The following ADGRL3 variants were observed in gnomAD, a reference collection of about 807,000 sequenced individuals.
The protein encoded by ADGRL3 is calcium-independent alpha-latrotoxin receptor 3.
A neutral mutation model predicts 153.5 loss-of-function variants in ADGRL3; 62 were observed. The ratio of observed to expected loss-of-function variants is 0.40; its 90% CI spans 0.33 to 0.50. The LOEUF (loss-of-function observed/expected upper bound fraction) is 0.50. Among genes scored for constraint, ADGRL3 ranks in the 20% least tolerant of loss-of-function variants. The pLI is 0.47. For missense variants in ADGRL3, 1,641 were observed against 1,859.4 expected, an observed-to-expected ratio of 0.88 and a Z score of 2.16; for synonymous variants, 710 against 672.5, an observed-to-expected ratio of 1.06 and a Z score of -0.86.
At chr4:61,977,367 G>A (rs2099051759) in intron 17 of ADGRL3, among the ~76,000 whole-genome samples, 1 of 152,020 alleles carries the variant, frequency 6.6e-6, no homozygotes, top group Non-Finnish European at 1.5e-5. Flanking sequence ...AAAGAAGAGA[G>A]CAAATAGCCC....
intron 19 of ADGRL3, among the ~76,000 whole-genome samples, chr4:61,991,670 C>T (rs1296866061): frequency 2.6e-5 from 4 of 151,756 alleles, no homozygotes; most frequent in East Asian, 1.9e-4. Flanking sequence ...CATGCACTTG[C>T]TTGCAAAGCA....
chr4:61,932,367 T>C (rs532738394), intron 13 of ADGRL3, among the ~76,000 whole-genome samples: 2 of 152,202 alleles, frequency 1.3e-5, no homozygotes, highest in East Asian at 3.9e-4. Context: ...CTGTTCCTAG[T>C]TTGTTGAGCT....
chr4:61,303,368 C>A (rs557198310), intron 1 of ADGRL3, among the ~76,000 whole-genome samples: 1 of 151,808 alleles, frequency 6.6e-6, no homozygotes, highest in Admixed American at 6.6e-5. Flanking sequence ...TTAGTGCATG[C>A]GAAGTGCTTA....
intron 1 of ADGRL3, among the ~76,000 whole-genome samples, chr4:61,224,101 T>G (rs2149069835): frequency 6.6e-6 from 1 of 152,256 alleles, no homozygotes; most frequent in Non-Finnish European, 1.5e-5. Context: ...TTTTCAAAAA[T>G]AATCTTCGTG....
chr4:61,313,172 C>T (rs1285709573), intron 1 of ADGRL3, among the ~76,000 whole-genome samples: 1 of 152,008 alleles, frequency 6.6e-6, no homozygotes, highest in East Asian at 1.9e-4. Context: ...TGTGATTTTA[C>T]AATATGACAT....
chr4:61,202,912 TG>T lies in ADGRL3; in HGVS notation c.-240+1148del, dbSNP rs987412615. ...ATGCCGGAGCTGATGCTGCTGGAGC[TG>T]AGCTTGCTTATTGAAATCGCCTGGG... On this transcript the variant is annotated intron_variant, in intron 1 of 26. Transcript: ENST00000683033. The surrounding 1 kb of genome is among the most constrained non-coding windows in gnomAD (Gnocchi z 5.0). 1.5e-4 allele frequency among the ~76,000 whole-genome samples: 23 copies of T among 152,162 alleles called. No homozygotes were observed. The highest frequency in any genetic ancestry group is 5.5e-4 in the African/African-American group (23 of 41,446).
intron 5 of ADGRL3, among the ~76,000 whole-genome samples, chr4:61,594,639 A>G (rs1415843697): frequency 1.3e-5 from 2 of 152,134 alleles, no homozygotes; most frequent in Admixed American, 1.3e-4. Flanking sequence ...GTGCTGAGCC[A>G]CTTGGAACAG....
chr4:61,451,797 G>C (rs2097677519), intron 2 of ADGRL3, among the ~76,000 whole-genome samples: 1 of 152,084 alleles, frequency 6.6e-6, no homozygotes, highest in Non-Finnish European at 1.5e-5. Context: ...TCTGGTTACT[G>C]CTTCAGCGGT....
chr4:61,302,842 T>C (rs892408967), intron 1 of ADGRL3, among the ~76,000 whole-genome samples: 10 of 152,146 alleles, frequency 6.6e-5, no homozygotes, highest in African/African-American at 2.4e-4. Context: ...TAATGAATCA[T>C]TTTTGAAACA....
intron 8 of ADGRL3, among the ~76,000 whole-genome samples, chr4:61,745,227 G>A (rs184291882): frequency 0.087 from 13,214 of 152,144 alleles, 1,224 homozygotes; most frequent in African/African-American, 0.23. Context: ...CCAAATCTAC[G>A]TCTGATTGGT....
chr4:61,268,435 T>C (rs1456248593), intron 1 of ADGRL3, among the ~76,000 whole-genome samples: 1 of 151,622 alleles, frequency 6.6e-6, no homozygotes, highest in East Asian at 1.9e-4. Flanking sequence ...CAAATATACA[T>C]CTTATTATTT....
chr4:61,450,207 TTTAA>T (rs1160137683), intron 2 of ADGRL3, among the ~76,000 whole-genome samples: 2 of 152,200 alleles, frequency 1.3e-5, no homozygotes, highest in African/African-American at 2.4e-5. Flanking sequence ...TTTAACTTCC[TTTAA>T]TTGTTTAATC....
At chr4:61,960,967 C>T (rs982140507) in intron 17 of ADGRL3, among the ~76,000 whole-genome samples, 18 of 152,100 alleles carry the variant, frequency 1.2e-4, no homozygotes, top group Admixed American at 3.9e-4. Flanking sequence ...CTTGGCCTCC[C>T]GAAGTGCTGA....
intron 8 of ADGRL3, among the ~76,000 whole-genome samples, chr4:61,750,607 C>T (rs1016563845): frequency 5.3e-5 from 8 of 151,890 alleles, no homozygotes; most frequent in African/African-American, 1.9e-4. Context: ...CCGGCTAAAA[C>T]GGTGAAACCC....
chr4:61,921,349 G>A (rs2098768209), intron 13 of ADGRL3, among the ~76,000 whole-genome samples: 1 of 152,096 alleles, frequency 6.6e-6, no homozygotes, highest in Admixed American at 6.6e-5. Flanking sequence ...CCTTGCGGTT[G>A]CGTAGTTCAA....
In ADGRL3 at chr4:61,473,565, T is replaced by A. The variant is rs192884624; in HGVS notation, c.-173-23556T>A. Among the ~76,000 whole-genome samples the A allele has an allele frequency of 2.6e-5, 4 of 152,080 alleles. No homozygotes were observed. In the East Asian group the frequency reaches 7.7e-4, roughly 29 times the overall value. ...GTTATTGTGGCTCAGCTTTTCCATA[T>A]GTAAAAGTGATATAATTTCAGTCTG... On this transcript the variant is annotated intron_variant, in intron 2 of 26. Coordinates refer to ENST00000683033, the MANE Select transcript of ADGRL3 (RefSeq NM_001387552.1).
intron 2 of ADGRL3, among the ~76,000 whole-genome samples, chr4:61,484,171 A>C (rs1384511202): frequency 1.3e-5 from 2 of 151,944 alleles, no homozygotes; most frequent in Non-Finnish European, 2.9e-5. Context: ...TTTATAGTTT[A>C]TCCTAATGCT....
rs147616017 is a variant in ADGRL3 at position 61,229,670 on chromosome 4, C to A, written c.-240+27905C>A. Among the ~76,000 whole-genome samples, 961 of 152,072 alleles carry A rather than the reference C, an allele frequency of 6.3e-3. 13 individuals carry two copies. The highest frequency in any genetic ancestry group is 0.022 in the African/African-American group (912 of 41,494). ...TGGTGGCTTATGACTATAATTCCAG[C>A]AATTTGGGAAGCCACCAAAGCCCAG... is the stretch of plus-strand genomic sequence containing the variant. On this transcript the variant is annotated intron_variant, in intron 1 of 26. Transcript: ENST00000683033.
chr4:61,843,311 G>A (rs2149021173), intron 9 of ADGRL3, among the ~76,000 whole-genome samples: 1 of 152,280 alleles, frequency 6.6e-6, no homozygotes, highest in South Asian at 2.1e-4. Context: ...CTTCTGCAGT[G>A]TTAGAACCTC....
Sources: gnomAD v4.1 joint callset for allele counts (sites outside exome capture counted in the v4.1 genomes callset) on GRCh38, gnomAD v4.1.1 for gene constraint, Gnocchi (gnomAD v3.1) non-coding constraint, MANE v1.5 for transcripts, NCBI Gene and HGNC (gene_info 2026-07-23, HGNC 2026-07-21) for gene names.